The following RBFOX1 variants were observed in gnomAD, a reference collection of about 807,000 sequenced individuals.
RBFOX1 encodes the protein RNA binding protein fox-1 homolog 1.
In RBFOX1, 8 loss-of-function variants were observed where a neutral mutation model predicts 57.7. The ratio of observed to expected loss-of-function variants is 0.14; its 90% CI spans 0.08 to 0.25. The LOEUF (loss-of-function observed/expected upper bound fraction) is 0.25. Ranked by LOEUF, RBFOX1 falls within the 10% of genes least tolerant of loss-of-function variation. The pLI is 1.00. For missense variants in RBFOX1, 611 were observed against 548.5 expected, an observed-to-expected ratio of 1.11 and a Z score of -1.14; for synonymous variants, 326 against 222.4, an observed-to-expected ratio of 1.47 and a Z score of -4.15.
intron 4 of RBFOX1, among the ~76,000 whole-genome samples, chr16:7,170,252 C>A (rs2080418492): frequency 6.6e-6 from 1 of 152,118 alleles, no homozygotes; most frequent in Non-Finnish European, 1.5e-5. Context: ...AATTTATCCT[C>A]CTGCTCCTCA....
chr16:7,458,091 A>C (rs935170294), intron 4 of RBFOX1, among the ~76,000 whole-genome samples: 1 of 152,104 alleles, frequency 6.6e-6, no homozygotes, highest in East Asian at 1.9e-4. Context: ...AAATCAGAAC[A>C]AAGCTTCCTG....
intron 4 of RBFOX1, among the ~76,000 whole-genome samples, chr16:7,320,138 C>T (rs769391588): frequency 5.3e-5 from 8 of 152,088 alleles, no homozygotes; most frequent in African/African-American, 1.2e-4. Flanking sequence ...CATAGGTAAA[C>T]GTGTGCCATG....
intron 4 of RBFOX1, among the ~76,000 whole-genome samples, chr16:7,427,882 G>C (rs1390529939): frequency 6.6e-6 from 1 of 152,152 alleles, no homozygotes; most frequent in Non-Finnish European, 1.5e-5. Flanking sequence ...TCAAACCCCT[G>C]ACCTCAGATG....
chr16:7,032,829 C>G (rs941690303), intron 3 of RBFOX1, among the ~76,000 whole-genome samples: 4 of 152,164 alleles, frequency 2.6e-5, no homozygotes, highest in African/African-American at 9.7e-5. Flanking sequence ...TGTCTCCAGG[C>G]TCATGGCATA....
chr16:5,292,803 T>A (rs2063567236), intron 1 of RBFOX1, among the ~76,000 whole-genome samples: 1 of 152,034 alleles, frequency 6.6e-6, no homozygotes, highest in Admixed American at 6.5e-5. Context: ...TTTTGTATTT[T>A]TAGTAGAGAT....
intron 2 of RBFOX1, among the ~76,000 whole-genome samples, chr16:6,339,896 C>T (rs909052858): frequency 6.6e-6 from 1 of 152,016 alleles, no homozygotes; most frequent in Non-Finnish European, 1.5e-5. Context: ...CCAGGCTGGT[C>T]TTGAACTCCA....
intron 2 of RBFOX1, among the ~76,000 whole-genome samples, chr16:6,385,295 C>A (rs932772782): frequency 6.6e-6 from 1 of 152,174 alleles, no homozygotes. Context: ...TTGCTACGTC[C>A]CAGCTGTGCC....
At chr16:5,825,436 G>T (rs1238354793) in intron 3 of RBFOX1, among the ~76,000 whole-genome samples, 1 of 152,172 alleles carries the variant, frequency 6.6e-6, no homozygotes, top group African/African-American at 2.4e-5. Context: ...CTACTATAAG[G>T]TTCGAAGGAA....
intron 4 of RBFOX1, among the ~76,000 whole-genome samples, chr16:7,274,531 C>G (rs951706907): frequency 3.9e-5 from 6 of 152,116 alleles, no homozygotes; most frequent in African/African-American, 1.2e-4. Flanking sequence ...GACTTCTCTG[C>G]TCTGTACTTG....
At chr16:5,474,653 T>TCAAAAAAAA (rs1413267169) in intron 2 of RBFOX1, among the ~76,000 whole-genome samples, 2 of 146,398 alleles carry the variant, frequency 1.4e-5, no homozygotes, top group East Asian at 3.9e-4. Flanking sequence ...AGACTTCGTC[T>TCAAAAAAAA]CAAAAAAAAA....
At chr16:6,177,239 A>G (rs1383633082) in intron 1 of RBFOX1, among the ~76,000 whole-genome samples, 5 of 142,744 alleles carry the variant, frequency 3.5e-5, no homozygotes, top group Non-Finnish European at 7.5e-5. Flanking sequence ...GCCCTCTGCC[A>G]CCATCCCACT....
chr16:6,707,270 T>C (rs2062914379), intron 3 of RBFOX1, among the ~76,000 whole-genome samples: 1 of 152,212 alleles, frequency 6.6e-6, no homozygotes, highest in South Asian at 2.1e-4. Context: ...TGGGAGCTGC[T>C]GATCTGTGTT....
At chr16:6,160,080 C>T (rs1426769927) in intron 1 of RBFOX1, among the ~76,000 whole-genome samples, 2 of 151,982 alleles carry the variant, frequency 1.3e-5, no homozygotes, top group Admixed American at 6.6e-5. Flanking sequence ...TTTACTGATA[C>T]AAAAAAATGC....
intron 2 of RBFOX1, among the ~76,000 whole-genome samples, chr16:6,329,128 C>G (rs1385381476): frequency 6.6e-6 from 1 of 152,112 alleles, no homozygotes; most frequent in South Asian, 2.1e-4. Flanking sequence ...TGAGAGTGAT[C>G]ATGGATGGAA....
At chr16:7,297,551 G>A (rs1410943937) in intron 4 of RBFOX1, among the ~76,000 whole-genome samples, 1 of 152,064 alleles carries the variant, frequency 6.6e-6, no homozygotes, top group Non-Finnish European at 1.5e-5. Flanking sequence ...CTTTTTTGTT[G>A]TGGATGTTAA....
chr16:6,720,451 G>C lies in RBFOX1; in HGVS notation c.-16+65801G>C, dbSNP rs528414755. 5.3e-5 allele frequency among the ~76,000 whole-genome samples: 8 copies of C among 152,218 alleles called. No homozygotes were observed. The South Asian group carries it at 1.7e-3, about 32-fold the overall frequency. On this transcript the variant is annotated intron_variant, in intron 3 of 15. Transcript: ENST00000550418. The stretch of plus-strand genomic sequence containing the variant: ...ACCCACTCTCAGGTAGTTCTTTATA[G>C]CATTGCAAGAATGGACTCATACACG...
intron 1 of RBFOX1, among the ~76,000 whole-genome samples, chr16:5,267,264 A>C (rs2062882220): frequency 6.6e-6 from 1 of 151,654 alleles, no homozygotes; most frequent in African/African-American, 2.4e-5. Context: ...GTCCATATAA[A>C]CATTAATTCT....
intron 3 of RBFOX1, among the ~76,000 whole-genome samples, chr16:5,731,489 C>T (rs891542085): frequency 1.3e-5 from 2 of 152,204 alleles, no homozygotes; most frequent in Non-Finnish European, 2.9e-5. Flanking sequence ...AAAGAAGACA[C>T]ACCCAGATGA....
chr16:5,816,612 C>T (rs577078312), intron 3 of RBFOX1, among the ~76,000 whole-genome samples: 14 of 152,160 alleles, frequency 9.2e-5, no homozygotes, highest in African/African-American at 2.6e-4. Flanking sequence ...AGTTAAACTT[C>T]GTTTCTATAA....
Sources: gnomAD v4.1 joint callset for allele counts (sites outside exome capture counted in the v4.1 genomes callset) on GRCh38, gnomAD v4.1.1 for gene constraint, MANE v1.5 for transcripts, NCBI Gene and HGNC (gene_info 2026-07-23, HGNC 2026-07-21) for gene names.